Variants in PRRG1 observed in about 807,000 individuals in gnomAD.
PRRG1 encodes transmembrane gamma-carboxyglutamic acid protein 1.
PRRG1 carries 5 observed loss-of-function variants against 11.8 expected under a neutral mutation model. The ratio of observed to expected loss-of-function variants is 0.42; its 90% confidence interval spans 0.22 to 0.89. The LOEUF is 0.89. Ranked by LOEUF, PRRG1 falls within the 40% of genes least tolerant of loss-of-function variation. PRRG1 has a pLI of 0.28. For synonymous variants in PRRG1, 66 were observed against 60.4 expected, an observed-to-expected ratio of 1.09 and a Z score of -0.43; for missense variants, 155 against 166.1, an observed-to-expected ratio of 0.93 and a Z score of 0.37.
intron 3 of PRRG1, chrX:37,442,137 G>C (rs1304564814): frequency 6.6e-6 from 5 of 755,769 alleles, no homozygotes; most frequent in Non-Finnish European, 7.8e-6. Flanking sequence ...GCGGGGGCGT[G>C]CATGTTGCCC....
At chrX:37,441,630 G>A in intron 3 of PRRG1, 1 of 800,570 alleles carries the variant, frequency 1.2e-6, no homozygotes, top group African/African-American at 2.2e-5. Flanking sequence ...ACGTGTACCT[G>A]TCCATGGCCT....
At chrX:37,373,811 T>C (rs192742687) in intron 1 of PRRG1, among the ~76,000 whole-genome samples, 1 of 111,715 alleles carries the variant, frequency 9.0e-6, no homozygotes, top group East Asian at 2.8e-4. Flanking sequence ...GACTTCCAGT[T>C]CTATTTTGAA....
chrX:37,441,618 C>T, intron 3 of PRRG1: 1 of 797,351 alleles, frequency 1.3e-6, no homozygotes, highest in African/African-American at 2.2e-5. Context: ...TGCATGCTTC[C>T]TACGTGTACC....
At chrX:37,424,286 A>G (rs113490693) in intron 2 of PRRG1, among the ~76,000 whole-genome samples, 4,820 of 110,887 alleles carry the variant, frequency 0.043, 265 homozygotes, top group African/African-American at 0.15. Context: ...GTGATTCTCA[A>G]ACTGTGGTAA....
intron 1 of PRRG1, among the ~76,000 whole-genome samples, chrX:37,373,621 C>G (rs1930838469): frequency 8.9e-6 from 1 of 111,892 alleles, no homozygotes; most frequent in Admixed American, 9.4e-5. Context: ...AGCAACACTA[C>G]TAACTTTTTA....
chrX:37,447,482 C>G (rs1217966502), intron 3 of PRRG1, among the ~76,000 whole-genome samples: 4 of 112,289 alleles, frequency 3.6e-5, no homozygotes, highest in Non-Finnish European at 7.5e-5. Context: ...TGCAATAATT[C>G]ATTCTCTTCT....
intron 1 of PRRG1, among the ~76,000 whole-genome samples, chrX:37,359,366 G>C (rs188019294): frequency 9.2e-6 from 1 of 109,026 alleles, no homozygotes; most frequent in East Asian, 2.9e-4. Context: ...GTTGGATTTT[G>C]TTAAGTGCTT....
chrX:37,399,852 CTT>C (rs1350677691), intron 1 of PRRG1, among the ~76,000 whole-genome samples: 1 of 108,080 alleles, frequency 9.3e-6, no homozygotes, highest in Non-Finnish European at 1.9e-5. Context: ...ATAAAACAGA[CTT>C]TAAACCAACA....
At chrX:37,422,379 C>T (rs1183700425) in intron 2 of PRRG1, among the ~76,000 whole-genome samples, 3 of 111,706 alleles carry the variant, frequency 2.7e-5, no homozygotes, top group Non-Finnish European at 3.8e-5. Context: ...CAAAGTATTG[C>T]GCTCAGCATA....
chrX:37,441,547 G>A lies in PRRG1; in HGVS notation c.172-11589G>A, dbSNP rs1007649758. 5.3e-6 allele frequency: 4 copies of A among 761,425 alleles called. No homozygotes were observed. The African/African-American group carries it at 9.2e-5, about 18-fold the overall frequency. 62.7% of individuals were successfully genotyped at this position (761,425 alleles called of 1,213,427 possible). A position where few individuals can be genotyped will look rare whatever the true frequency, so the allele number is the denominator to read the frequency against. The stretch of plus-strand genomic sequence containing the variant: ...CATGGCCACCACCCCAGTGTTGCAG[G>A]TGCGTCAGAACTACCACCCCAACTG... On this transcript the variant is annotated intron_variant, in intron 3 of 3. Transcript: ENST00000378628.
chrX:37,419,744 T>G (rs1229039110), intron 2 of PRRG1, among the ~76,000 whole-genome samples: 2 of 111,614 alleles, frequency 1.8e-5, no homozygotes, highest in African/African-American at 6.5e-5. Flanking sequence ...CCACTGGTCA[T>G]GTAGCTGAAA....
At chrX:37,443,741 G>A (rs782309837) in intron 3 of PRRG1, among the ~76,000 whole-genome samples, 14 of 112,027 alleles carry the variant, frequency 1.2e-4, no homozygotes, top group African/African-American at 4.5e-4. Context: ...TGGATAGAAT[G>A]AAATTATTTC....
At chrX:37,407,234 G>T (rs1556382298) in intron 2 of PRRG1, among the ~76,000 whole-genome samples, 1 of 110,603 alleles carries the variant, frequency 9.0e-6, no homozygotes, top group Non-Finnish European at 1.9e-5. Flanking sequence ...TGACTGAAAG[G>T]GGGAGGTCTG....
intron 1 of PRRG1, among the ~76,000 whole-genome samples, chrX:37,398,102 G>A (rs5964323): frequency 0.2 from 21,546 of 108,871 alleles, 2,503 homozygotes; most frequent in African/African-American, 0.43. Flanking sequence ...AAATGTCCCC[G>A]TCTGACAGCT....
At chrX:37,411,253 A>G (rs782713577) in intron 2 of PRRG1, among the ~76,000 whole-genome samples, 1 of 112,502 alleles carries the variant, frequency 8.9e-6, no homozygotes, top group Non-Finnish European at 1.9e-5. Flanking sequence ...CATAGGTTAT[A>G]TGCAACTACT....
chrX:37,420,681 AAAAAAAG>A (rs1379434167), intron 2 of PRRG1, among the ~76,000 whole-genome samples: 13 of 105,403 alleles, frequency 1.2e-4, no homozygotes, highest in African/African-American at 4.3e-4. Flanking sequence ...AAAAAAAAAA[AAAAAAAG>A]AAAAGAAAGA....
chrX:37,438,766 T>C (rs1234124356), intron 3 of PRRG1, among the ~76,000 whole-genome samples: 1 of 111,537 alleles, frequency 9.0e-6, no homozygotes, highest in African/African-American at 3.3e-5. Flanking sequence ...ATAAAAATGG[T>C]GTACTCTTCA....
chrX:37,449,785 A>ATTAT (rs1403078953), intron 3 of PRRG1, among the ~76,000 whole-genome samples: 1 of 112,764 alleles, frequency 8.9e-6, no homozygotes, highest in Non-Finnish European at 1.9e-5. Flanking sequence ...TTTGTGCCAC[A>ATTAT]TTATTGCCAG....
chrX:37,395,663 T>C (rs1382292655), intron 1 of PRRG1, among the ~76,000 whole-genome samples: 3 of 107,546 alleles, frequency 2.8e-5, no homozygotes, highest in Non-Finnish European at 5.8e-5. Context: ...ACCTTAAATA[T>C]ATACAATTAA....
Sources: gnomAD v4.1 joint callset for allele counts (sites outside exome capture counted in the v4.1 genomes callset) on GRCh38, gnomAD v4.1.1 for gene constraint, MANE v1.5 for transcripts, NCBI Gene and HGNC (gene_info 2026-07-23, HGNC 2026-07-21) for gene names.